Variants in EIF2B3 observed in about 807,000 individuals in gnomAD.
EIF2B3 encodes eukaryotic translation initiation factor 2B subunit gamma, also known as translation initiation factor eIF2B subunit gamma.
In EIF2B3, 20 loss-of-function variants were observed where a neutral mutation model predicts 54.1. The ratio of observed to expected loss-of-function variants is 0.37; its 90% CI spans 0.26 to 0.54. The LOEUF is 0.54. Ranked by LOEUF, EIF2B3 falls within the 20% of genes least tolerant of loss-of-function variation. The probability of loss-of-function intolerance (pLI) is 0.86; values close to 1 mark genes in which losing one functional copy is unlikely to be tolerated. For synonymous variants in EIF2B3, 153 were observed against 188.1 expected (o/e 0.81, Z 1.52); for missense variants, 448 against 547.8 (o/e 0.82, Z 1.82).
intron 11 of EIF2B3, among the ~76,000 whole-genome samples, chr1:44,851,399 A>G (rs555134646): frequency 7.2e-5 from 11 of 152,286 alleles, no homozygotes; most frequent in African/African-American, 2.6e-4. Flanking sequence ...GTTCACAAAA[A>G]TTTATTTCTC....
At chr1:44,952,372 T>C (rs1178641588) in intron 3 of EIF2B3, among the ~76,000 whole-genome samples, 2 of 152,004 alleles carry the variant, frequency 1.3e-5, no homozygotes, top group African/African-American at 2.4e-5. Flanking sequence ...AGTGCTGGGA[T>C]TACCAGCGTA....
At chr1:44,854,002 T>TG (rs1273628285) in intron 11 of EIF2B3, among the ~76,000 whole-genome samples, 1 of 151,072 alleles carries the variant, frequency 6.6e-6, no homozygotes, top group African/African-American at 2.5e-5. Context: ...GTGTTTTTTT[T>TG]TTTTGTTTTT....
At chr1:44,948,890 C>T (rs551217508) in intron 3 of EIF2B3, among the ~76,000 whole-genome samples, 3 of 151,952 alleles carry the variant, frequency 2.0e-5, no homozygotes, top group South Asian at 2.1e-4. Flanking sequence ...GAGTCTCGCT[C>T]TATTGCCCAG....
chr1:44,913,783 A>C (rs1011970155), intron 5 of EIF2B3, among the ~76,000 whole-genome samples: 1 of 151,152 alleles, frequency 6.6e-6, no homozygotes, highest in African/African-American at 2.4e-5. Context: ...TAGAGGTGTG[A>C]GCCACCGCAC....
rs757952900 is a variant in EIF2B3 at position 44,875,613 on chromosome 1, C to T, written c.1053+5G>A. On this transcript the variant is annotated splice_donor_5th_base_variant and intron_variant, in intron 9 of 11. Transcript: ENST00000360403. ...CATGCCCGTCCTGGCCACACTAGCACTTACCAGGTGTTTGCTGACAATCTG... is the reference window on the plus strand; with the variant it reads ...CATGCCCGTCCTGGCCACACTAGCATTTACCAGGTGTTTGCTGACAATCTG... 3.1e-5 allele frequency: 50 copies of T among 1,613,884 alleles called. No homozygotes were observed. The highest frequency in any genetic ancestry group is 4.2e-5 in the Non-Finnish European group (50 of 1,179,852).
chr1:44,852,531 G>A (rs943715499), intron 11 of EIF2B3, among the ~76,000 whole-genome samples: 2 of 152,052 alleles, frequency 1.3e-5, no homozygotes, highest in African/African-American at 2.4e-5. Context: ...TCTAATCCCA[G>A]CAGTTTGGGA....
At chr1:44,854,174 TG>T (rs1409841571) in intron 11 of EIF2B3, among the ~76,000 whole-genome samples, 2 of 151,988 alleles carry the variant, frequency 1.3e-5, no homozygotes, top group Non-Finnish European at 2.9e-5. Flanking sequence ...AGCTAATTTT[TG>T]TATTTTTAGT....
At chr1:44,930,830 G>A (rs1474672740) in intron 4 of EIF2B3, among the ~76,000 whole-genome samples, 1 of 151,592 alleles carries the variant, frequency 6.6e-6, no homozygotes, top group Non-Finnish European at 1.5e-5. Context: ...TAGTAGAGAC[G>A]GGGTTTTGCC....
At chr1:44,935,706 G>A (rs1643939948) in intron 4 of EIF2B3, among the ~76,000 whole-genome samples, 1 of 152,094 alleles carries the variant, frequency 6.6e-6, no homozygotes, top group African/African-American at 2.4e-5. Flanking sequence ...TCACCATGTT[G>A]GTCAGGCTGG....
rs1487280984 is a variant in EIF2B3 at position 44,850,921 on chromosome 1, C to T, written c.*30G>A. On this transcript the variant is annotated 3_prime_UTR_variant, in exon 12 of 12. Coordinates refer to ENST00000360403, the MANE Select transcript of EIF2B3 (RefSeq NM_020365.5). ...GGCCAACATCTGTGGCTTTGGAGGC[C>T]AAAAGGAAGGAGTCTGACTTGCTCA... 1 of 1,613,786 alleles carries T rather than the reference C, an allele frequency of 6.2e-7. No homozygotes were observed. The highest frequency in any genetic ancestry group is 8.5e-7 in the Non-Finnish European group (1 of 1,179,792).
In EIF2B3 at chr1:44,968,759, T is replaced by C. The variant is rs111943522; in HGVS notation, c.294+9556A>G. 6.8e-3 allele frequency among the ~76,000 whole-genome samples: 1,040 copies of C among 152,048 alleles called. 13 individuals are homozygous for C. The highest frequency in any genetic ancestry group is 0.024 in the African/African-American group (994 of 41,472). ...TAAAAATACAAAAATTAGCCAGGCATGGTGGCGTGTGCCTGTAATCCCAGC... is the reference window on the plus strand; with the variant it reads ...TAAAAATACAAAAATTAGCCAGGCACGGTGGCGTGTGCCTGTAATCCCAGC... On this transcript the variant is annotated intron_variant, in intron 3 of 11. Transcript: ENST00000360403.
At chr1:44,880,768 C>T (rs981138825) in intron 7 of EIF2B3, among the ~76,000 whole-genome samples, 1 of 152,142 alleles carries the variant, frequency 6.6e-6, no homozygotes, top group African/African-American at 2.4e-5. Flanking sequence ...CGATACCATC[C>T]TGGCTAACAC....
intron 11 of EIF2B3, 124 bp from the exon 12 acceptor site, chr1:44,851,127 C>A (rs2148889934): frequency 2.2e-6 from 2 of 892,124 alleles, no homozygotes; most frequent in African/African-American, 1.6e-5. Context: ...TGCAGTGGCA[C>A]AATCTCGGCT....
In EIF2B3 at chr1:44,850,897, G is replaced by A. The variant is rs2148889825; in HGVS notation, c.*54C>T. ...AATACAGAGTTAAACAGGTGGGCCG[G>A]CCAACATCTGTGGCTTTGGAGGCCA... On this transcript the variant is annotated 3_prime_UTR_variant, in exon 12 of 12. Coordinates refer to ENST00000360403, the MANE Select transcript of EIF2B3 (RefSeq NM_020365.5). 6.3e-7 allele frequency: 1 copy of A among 1,592,382 alleles called. No individual in the cohort carries two copies. The highest frequency in any genetic ancestry group is 8.6e-7 in the Non-Finnish European group (1 of 1,160,298).
intron 11 of EIF2B3, among the ~76,000 whole-genome samples, chr1:44,855,238 G>C (rs1490001777): frequency 6.6e-6 from 1 of 152,134 alleles, no homozygotes; most frequent in African/African-American, 2.4e-5. Context: ...GTCCAGTTTA[G>C]AGCCCAGACA....
chr1:44,852,736 A>G (rs982601137), intron 11 of EIF2B3, among the ~76,000 whole-genome samples: 12 of 151,048 alleles, frequency 7.9e-5, no homozygotes, highest in African/African-American at 2.7e-4. Flanking sequence ...CCGAGATCGC[A>G]GCATTACACT....
intron 3 of EIF2B3, among the ~76,000 whole-genome samples, chr1:44,975,919 G>A (rs901376734): frequency 6.6e-6 from 1 of 152,090 alleles, no homozygotes; most frequent in Non-Finnish European, 1.5e-5. Flanking sequence ...CAGTGAGGTG[G>A]TGCGGTGAGG....
intron 3 of EIF2B3, among the ~76,000 whole-genome samples, chr1:44,966,152 A>G (rs993156007): frequency 2.0e-5 from 3 of 151,634 alleles, no homozygotes; most frequent in African/African-American, 7.3e-5. Flanking sequence ...TGTCTTTAAA[A>G]ATGAAGGCCG....
At chr1:44,931,835 C>G (rs75482626) in intron 4 of EIF2B3, among the ~76,000 whole-genome samples, 1 of 152,180 alleles carries the variant, frequency 6.6e-6, no homozygotes, top group Non-Finnish European at 1.5e-5. Flanking sequence ...ATGTATAGTA[C>G]GCTGGGCATG....
Sources: allele counts gnomAD v4.1 joint callset (sites outside exome capture counted in the v4.1 genomes callset), GRCh38; gene constraint gnomAD v4.1.1; transcripts MANE v1.5; gene names NCBI Gene and HGNC (gene_info 2026-07-23, HGNC 2026-07-21).